Variants in EXTL3 observed in about 807,000 individuals in gnomAD.
EXTL3 encodes the protein exostosin like glycosyltransferase 3, also known as exostosin-like 3.
Under a neutral mutation model 69.3 loss-of-function variants are expected in EXTL3, and 27 were observed. That is an observed-to-expected ratio of 0.39 (90% CI 0.29 to 0.54). EXTL3 has a LOEUF of 0.54. Ranked by LOEUF, EXTL3 falls within the 20% of genes least tolerant of loss-of-function variation. The pLI is 0.69. For synonymous variants in EXTL3, 511 were observed against 499.4 expected (o/e 1.02, Z -0.31); for missense variants, 1,003 against 1,231.8 (o/e 0.81, Z 2.78).
At chr8:28,713,966 G>T (rs557568422) in intron 2 of EXTL3, among the ~76,000 whole-genome samples, 4 of 147,846 alleles carry the variant, frequency 2.7e-5, no homozygotes, top group Non-Finnish European at 5.9e-5. Flanking sequence ...GAGTGCAATG[G>T]TGCGATCTCG....
chr8:28,656,579 G>C (rs940101822), intron 1 of EXTL3, among the ~76,000 whole-genome samples: 1 of 152,058 alleles, frequency 6.6e-6, no homozygotes, highest in South Asian at 2.1e-4. Context: ...TTTTGCTATA[G>C]GGCTGTTCCC....
rs1217786288 is a variant in EXTL3 at position 28,716,762 on chromosome 8, G to A, written c.703G>A (p.Ala235Thr). ...TTATGTTACAGAAAATGCAGACATCGCCTGCCTTTACGTGATACTAGTGGG... is the reference window on the plus strand; with the variant it reads ...TTATGTTACAGAAAATGCAGACATCACCTGCCTTTACGTGATACTAGTGGG... ...NVYVTENADI[A>T]CLYVILVGEM... The change falls in exon 3 of 7, where the codon GCC (alanine) becomes ACC (threonine). Residue 235 changes from alanine (A) to threonine (T), a missense_variant. This residue lies in a region of EXTL3 where 742 missense variants were observed against 815.4 expected (regional missense o/e 0.91). Coordinates refer to ENST00000220562, the MANE Select transcript of EXTL3 (RefSeq NM_001440.4). This position sits in a 1 kb window ranked among gnomAD's most constrained non-coding sequence, Gnocchi z 7.1. The A allele has an allele frequency of 5.0e-6, 8 of 1,614,234 alleles. No homozygotes were observed. Among genetic ancestry groups the A allele is most frequent in the East Asian group, 2.2e-5 (1 of 44,888 alleles).
At chr8:28,644,215 T>G (rs1369999041) in intron 1 of EXTL3, among the ~76,000 whole-genome samples, 1 of 152,218 alleles carries the variant, frequency 6.6e-6, no homozygotes, top group Non-Finnish European at 1.5e-5. Context: ...ATGGATGTGA[T>G]TCATTTATTT....
intron 1 of EXTL3, among the ~76,000 whole-genome samples, chr8:28,657,222 C>T (rs576456138): frequency 1.6e-4 from 24 of 152,310 alleles, no homozygotes; most frequent in Middle Eastern, 3.4e-3. Flanking sequence ...AAATTATAGA[C>T]ATGAGCCACT....
chr8:28,742,937 C>G, intron 5 of EXTL3, 149 bp from the exon 6 acceptor site: 1 of 811,798 alleles, frequency 1.2e-6, no homozygotes. Flanking sequence ...CAGGATGTCT[C>G]GAATCCCCTG....
At chr8:28,696,428 C>A (rs240936) in intron 1 of EXTL3, 41,920 of 152,028 alleles carry the variant, frequency 0.28, 5,741 homozygotes, top group Middle Eastern at 0.33. Context: ...TCAATGGAAT[C>A]ATATACTGTA....
intron 1 of EXTL3, among the ~76,000 whole-genome samples, chr8:28,647,173 C>G (rs1405731436): frequency 6.6e-6 from 1 of 151,030 alleles, no homozygotes; most frequent in Admixed American, 6.6e-5. Context: ...GGCACGATCT[C>G]GGCTCACTAC....
intron 1 of EXTL3, among the ~76,000 whole-genome samples, chr8:28,671,337 ACT>A (rs1183097314): frequency 5.1e-5 from 6 of 116,550 alleles, no homozygotes; most frequent in South Asian, 5.6e-4. Context: ...TTTGAGACCG[ACT>A]CTCTCTCTGT....
intron 5 of EXTL3, chr8:28,742,731 C>CT (rs1170200889): frequency 0.063 from 16,280 of 259,420 alleles, 239 homozygotes; most frequent in African/African-American, 0.12. Flanking sequence ...TCTCACTTAT[C>CT]TTTTTTTTTT....
chr8:28,733,405 T>TAC (rs909283853), intron 4 of EXTL3, among the ~76,000 whole-genome samples: 1 of 151,286 alleles, frequency 6.6e-6, no homozygotes, highest in African/African-American at 2.4e-5. Flanking sequence ...TGTGTATATA[T>TAC]ACACACACAC....
intron 5 of EXTL3, 50 bp from the exon 6 acceptor site, chr8:28,743,036 C>A (rs1801812393): frequency 6.2e-7 from 1 of 1,612,554 alleles, no homozygotes; most frequent in Admixed American, 1.7e-5. Context: ...TGAAAGCCAA[C>A]AACCTGTGTC....
intron 3 of EXTL3, among the ~76,000 whole-genome samples, chr8:28,725,562 AT>A (rs1801395163): frequency 1.3e-5 from 2 of 152,224 alleles, no homozygotes; most frequent in African/African-American, 2.4e-5. Flanking sequence ...GCAGGGCTAA[AT>A]TATGTTCTAT....
chr8:28,693,758 G>A (rs2130682407), intron 1 of EXTL3, among the ~76,000 whole-genome samples: 1 of 152,258 alleles, frequency 6.6e-6, no homozygotes, highest in East Asian at 1.9e-4. Context: ...TGCTATCCCT[G>A]GAGCCTTAGA....
At chr8:28,730,461 A>G (rs1342772044) in intron 3 of EXTL3, among the ~76,000 whole-genome samples, 3 of 152,094 alleles carry the variant, frequency 2.0e-5, no homozygotes, top group Non-Finnish European at 4.4e-5. Context: ...TAACACAGCT[A>G]CTCACCCACA....
At chr8:28,722,579 C>G (rs564849736) in intron 3 of EXTL3, among the ~76,000 whole-genome samples, 8 of 151,906 alleles carry the variant, frequency 5.3e-5, no homozygotes, top group Admixed American at 1.3e-4. Flanking sequence ...GGTTTGAGAC[C>G]AGCCTGGGCA....
chr8:28,629,054 G>A (rs570540424), intron 1 of EXTL3, among the ~76,000 whole-genome samples: 1 of 152,158 alleles, frequency 6.6e-6, no homozygotes, highest in African/African-American at 2.4e-5. Context: ...TCTTTTTACA[G>A]ATGAGAACGG....
chr8:28,736,373 C>T (rs2130781857), intron 4 of EXTL3, among the ~76,000 whole-genome samples: 1 of 152,320 alleles, frequency 6.6e-6, no homozygotes, highest in East Asian at 1.9e-4. Flanking sequence ...GTTTAAATCT[C>T]TGGCAGCCTT....
In EXTL3 at chr8:28,752,314, G is replaced by C. The variant is rs998141927; in HGVS notation, c.*1448G>C. The C allele has an allele frequency of 6.6e-6, 1 of 152,650 alleles. No homozygotes were observed. Among genetic ancestry groups the C allele is most frequent in the Non-Finnish European group, 1.5e-5 (1 of 68,068 alleles). 9.5% of individuals were successfully genotyped at this position (152,650 alleles called of 1,614,324 possible). The stretch of plus-strand genomic sequence containing the variant: ...ATTTGTCAGGGATTTAGCCCATGAC[G>C]TGTTTCTTGAACCCTACTTTCTGGA... On this transcript the variant is annotated 3_prime_UTR_variant, in exon 7 of 7. Transcript: ENST00000220562.
intron 1 of EXTL3, among the ~76,000 whole-genome samples, chr8:28,666,039 C>T (rs1408905241): frequency 2.6e-5 from 4 of 152,206 alleles, no homozygotes; most frequent in Admixed American, 1.3e-4. Context: ...TTGTCAATCT[C>T]ATCCTAATGC....
Sources: gnomAD v4.1 joint callset for allele counts (sites outside exome capture counted in the v4.1 genomes callset) on GRCh38, gnomAD v4.1.1 for gene constraint, gnomAD v4.1.1 regional missense constraint, Gnocchi (gnomAD v3.1) non-coding constraint, MANE v1.5 for transcripts, NCBI Gene and HGNC (gene_info 2026-07-23, HGNC 2026-07-21) for gene names.